The following RELL1 variants were observed in gnomAD, a reference collection of about 807,000 sequenced individuals.
RELL1 encodes the protein RELT-like protein 1.
Under a neutral mutation model 23.0 loss-of-function variants are expected in RELL1, and 10 were observed. The observed-to-expected ratio is 0.43, with a 90% CI of 0.27 to 0.74. The LOEUF (loss-of-function observed/expected upper bound fraction) is 0.74, where lower values mean the gene tolerates loss of function less well. RELL1 is among the 30% of genes least tolerant of loss of function. RELL1 has a pLI of 0.19. For synonymous variants in RELL1, 146 were observed against 146.8 expected (o/e 0.99, Z 0.04); for missense variants, 315 against 364.4 (o/e 0.86, Z 1.10).
chr4:37,605,361 C>G (rs1164244297), intron 6 of RELL1, among the ~76,000 whole-genome samples: 1 of 152,104 alleles, frequency 6.6e-6, no homozygotes, highest in Non-Finnish European at 1.5e-5. Context: ...ATAAAAGGAA[C>G]CAGGGCTCCT....
intron 5 of RELL1, among the ~76,000 whole-genome samples, chr4:37,634,269 C>T (rs535080536): frequency 6.6e-6 from 1 of 152,378 alleles, no homozygotes; most frequent in South Asian, 2.1e-4. Context: ...AAGCAATTCA[C>T]ATGGAACTTA....
downstream of RELL1, chr4:37,590,408 A>G (rs1718540569): frequency 1.2e-6 from 2 of 1,613,586 alleles, no homozygotes; most frequent in South Asian, 1.1e-5. Context: ...CCCACCCAGG[A>G]TGACAGGGGC....
intron 1 of RELL1, among the ~76,000 whole-genome samples, chr4:37,677,592 A>G (rs1722060593): frequency 6.6e-6 from 1 of 152,166 alleles, no homozygotes; most frequent in South Asian, 2.1e-4. Context: ...CTAAGAATAA[A>G]CCAATTGGTG....
intron 6 of RELL1, among the ~76,000 whole-genome samples, chr4:37,600,535 TC>T (rs1331091039): frequency 6.6e-6 from 1 of 152,206 alleles, no homozygotes; most frequent in African/African-American, 2.4e-5. Flanking sequence ...ATTATCTTCA[TC>T]ATTTAACAAT....
chr4:37,680,612 G>A (rs1170315180), intron 1 of RELL1, among the ~76,000 whole-genome samples: 1 of 152,112 alleles, frequency 6.6e-6, no homozygotes, highest in African/African-American at 2.4e-5. Context: ...ACCTATCCGA[G>A]TTAAAAATGC....
At chr4:37,666,745 G>A (rs1308673636) in intron 1 of RELL1, among the ~76,000 whole-genome samples, 2 of 152,182 alleles carry the variant, frequency 1.3e-5, no homozygotes, top group Non-Finnish European at 2.9e-5. Flanking sequence ...GGTACCACAA[G>A]GCCAGGCAGG....
chr4:37,683,852 T>G (rs933140104), intron 1 of RELL1, among the ~76,000 whole-genome samples: 3 of 151,346 alleles, frequency 2.0e-5, no homozygotes, highest in Non-Finnish European at 2.9e-5. Flanking sequence ...GAGGCCAAGG[T>G]GGGCGGATCA....
At chr4:37,649,153 A>AC (rs1480129131) in intron 2 of RELL1, 123 bp downstream of exon 2, 2 of 812,818 alleles carry the variant, frequency 2.5e-6, no homozygotes, top group African/African-American at 1.7e-5. Flanking sequence ...CACTTACACT[A>AC]CACTGCACCA....
At chr4:37,602,413 C>G (rs1560322524) in intron 6 of RELL1, among the ~76,000 whole-genome samples, 1 of 135,328 alleles carries the variant, frequency 7.4e-6, no homozygotes, top group Non-Finnish European at 1.6e-5. Flanking sequence ...GTTTATTGCT[C>G]TGGCGGCTAA....
At chr4:37,587,528 T>G (rs936749756), downstream of RELL1, among the ~76,000 whole-genome samples, 1 of 152,164 alleles carries the variant, frequency 6.6e-6, no homozygotes, top group Non-Finnish European at 1.5e-5. Flanking sequence ...GCAGCATCCC[T>G]GGAAATTCAC....
At chr4:37,618,460 ACTTCTGG>A (rs1263826561) in intron 6 of RELL1, among the ~76,000 whole-genome samples, 14 of 151,950 alleles carry the variant, frequency 9.2e-5, no homozygotes, top group Admixed American at 1.3e-4. Context: ...CTGATCTCAA[ACTTCTGG>A]CTTCAAGCAG....
intron 1 of RELL1, among the ~76,000 whole-genome samples, chr4:37,661,293 G>GT (rs1414727578): frequency 6.8e-6 from 1 of 147,344 alleles, no homozygotes; most frequent in South Asian, 2.1e-4. Flanking sequence ...TTGTTTGTTT[G>GT]TTTTTTGAGA....
At chr4:37,652,196 A>G (rs1720972225) in intron 1 of RELL1, among the ~76,000 whole-genome samples, 1 of 152,144 alleles carries the variant, frequency 6.6e-6, no homozygotes, top group African/African-American at 2.4e-5. Context: ...AACAAAGACT[A>G]CCTCTCTTTC....
At chr4:37,640,492 T>C (rs1206212419) in intron 3 of RELL1, among the ~76,000 whole-genome samples, 1 of 152,250 alleles carries the variant, frequency 6.6e-6, no homozygotes, top group Admixed American at 6.5e-5. Context: ...TGTATTTTAT[T>C]GTATACAAAA....
intron 6 of RELL1, among the ~76,000 whole-genome samples, chr4:37,619,079 A>T (rs1372482399): frequency 6.6e-6 from 1 of 151,700 alleles, no homozygotes; most frequent in Non-Finnish European, 1.5e-5. Context: ...GGGTTTCTCC[A>T]TGTTAGTCAG....
intron 6 of RELL1, among the ~76,000 whole-genome samples, chr4:37,624,418 CTTTTTT>C (rs35118296): frequency 4.5e-5 from 5 of 111,364 alleles, no homozygotes; most frequent in Non-Finnish European, 5.3e-5. Context: ...TTCTTTCTTT[CTTTTTT>C]TTTTTTTTTT....
At position 37,680,931 on chromosome 4, in the gene RELL1, C is replaced by CAAAA. The variant is rs397992973; in HGVS notation, c.88+5265_88+5268dup. On this transcript the variant is annotated intron_variant, in intron 1 of 6. Transcript: ENST00000454158. ...TGGGTGACAGAGCAACACTCCATCT[C>CAAAA]AAAAAAAAAAAAAAAAAAAAAATGC... Among the ~76,000 whole-genome samples, 206 of 73,628 alleles carry CAAAA rather than the reference C, an allele frequency of 2.8e-3. No individual in the cohort carries two copies. In the South Asian group the frequency reaches 0.033, roughly 12 times the overall value. The allele number at this position is 73,628 out of a possible 152,430, so 48.3% of individuals were successfully genotyped here. A position where few individuals can be genotyped will look rare whatever the true frequency, so the allele number is the denominator to read the frequency against.
intron 1 of RELL1, among the ~76,000 whole-genome samples, chr4:37,662,961 G>T (rs28677164): frequency 0.046 from 7,017 of 152,212 alleles, 273 homozygotes; most frequent in African/African-American, 0.11. Context: ...CTGGAGCAAG[G>T]TCAGCTTGCC....
chr4:37,645,446 A>G (rs1720677405), intron 3 of RELL1, among the ~76,000 whole-genome samples: 1 of 152,200 alleles, frequency 6.6e-6, no homozygotes, highest in Non-Finnish European at 1.5e-5. Context: ...GAACAGTATC[A>G]CCAACTACTG....
Sources: gnomAD v4.1 joint callset for allele counts (sites outside exome capture counted in the v4.1 genomes callset) on GRCh38, gnomAD v4.1.1 for gene constraint, MANE v1.5 for transcripts, NCBI Gene and HGNC (gene_info 2026-07-23, HGNC 2026-07-21) for gene names.